UGT1A6: variants seen among roughly 807,000 people sequenced by gnomAD.
UGT1A6 encodes the protein UDP glucuronosyltransferase family 1 member A6.
In UGT1A6, 32 loss-of-function variants were observed where a neutral mutation model predicts 44.4. The ratio of observed to expected loss-of-function variants is 0.72; its 90% CI spans 0.54 to 0.97. The LOEUF (loss-of-function observed/expected upper bound fraction) is 0.97. Among genes scored for constraint, UGT1A6 ranks in the 50% least tolerant of loss-of-function variants. The pLI is 0.00. For missense variants in UGT1A6, 685 were observed against 661.9 expected, an observed-to-expected ratio of 1.03 and a Z score of -0.38; for synonymous variants, 238 against 248.5, an observed-to-expected ratio of 0.96 and a Z score of 0.40.
At chr2:233,730,917 C>G (rs760966477) in intron 1 of UGT1A6, among the ~76,000 whole-genome samples, 3 of 152,138 alleles carry the variant, frequency 2.0e-5, no homozygotes, top group Non-Finnish European at 4.4e-5. Flanking sequence ...ATTTCAGAGG[C>G]AGCTTTCATT....
chr2:233,738,962 C>A (rs2125819813), intron 1 of UGT1A6: 1 of 152,334 alleles, frequency 6.6e-6, no homozygotes, highest in Admixed American at 6.5e-5. Flanking sequence ...GGGTCCAGGC[C>A]CCCACTGCTG....
At chr2:233,704,315 A>G (rs2075780426) in intron 1 of UGT1A6, among the ~76,000 whole-genome samples, 2 of 132,700 alleles carry the variant, frequency 1.5e-5, no homozygotes, top group South Asian at 4.6e-4. Flanking sequence ...AAATCCTTTA[A>G]TGTTTTTCTT....
intron 1 of UGT1A6, among the ~76,000 whole-genome samples, chr2:233,720,965 C>T (rs921825655): frequency 2.6e-5 from 4 of 151,612 alleles, no homozygotes; most frequent in Admixed American, 6.6e-5. Flanking sequence ...CCCGCCTCGG[C>T]CTCCCAAAGT....
intron 1 of UGT1A6, among the ~76,000 whole-genome samples, chr2:233,758,825 C>CA: frequency 6.6e-6 from 1 of 152,232 alleles, no homozygotes. Flanking sequence ...ATATCCCCCC[C>CA]AAAAAGAGTG....
chr2:233,769,634 G>A lies in UGT1A6; in HGVS notation c.1301+1195G>A. 2 of 1,610,964 alleles carry A rather than the reference G, an allele frequency of 1.2e-6. No individual in the cohort carries two copies. The highest frequency in any genetic ancestry group is 1.1e-5 in the South Asian group (1 of 90,734). On this transcript the variant is annotated intron_variant, in intron 4 of 4. Transcript: ENST00000305139. The surrounding 1 kb of genome is among the most constrained non-coding windows in gnomAD (Gnocchi z 4.4). ...CCAGCTTGAGCAAGGGACAACAGGG[G>A]AGGACTGATGACTGACTTCCCACCT...
At chr2:233,716,140 C>CT (rs1193699250) in intron 1 of UGT1A6, among the ~76,000 whole-genome samples, 1 of 152,160 alleles carries the variant, frequency 6.6e-6, no homozygotes, top group African/African-American at 2.4e-5. Flanking sequence ...TTCCATGGCC[C>CT]TTTTCCATTT....
chr2:233,761,127 C>A lies in UGT1A6; in HGVS notation c.862-5907C>A, dbSNP rs281865418. 1.2e-6 allele frequency: 2 copies of A among 1,614,174 alleles called. No individual in the cohort carries two copies. Among genetic ancestry groups the A allele is most frequent in the South Asian group, 1.1e-5 (1 of 91,074 alleles). On this transcript the variant is annotated intron_variant, in intron 1 of 4. Transcript: ENST00000305139. ...TGGTTTTTGTTGGTGGAATCAACTGCCTTCACCAAAATCCACTATCCCAGG... is the reference window on the plus strand; with the variant it reads ...TGGTTTTTGTTGGTGGAATCAACTGACTTCACCAAAATCCACTATCCCAGG...
chr2:233,770,092 A>G (rs969996398), intron 4 of UGT1A6: 1 of 152,744 alleles, frequency 6.5e-6, no homozygotes, highest in Non-Finnish European at 1.5e-5. Flanking sequence ...AGTGGTATAG[A>G]TAACTACTTG....
chr2:233,694,266 C>T (rs1198459756), intron 1 of UGT1A6, among the ~76,000 whole-genome samples: 1 of 151,834 alleles, frequency 6.6e-6, no homozygotes. Context: ...CAGCGAACTA[C>T]AGCCTGTGAG....
intron 1 of UGT1A6, chr2:233,713,358 A>G (rs772185686): frequency 1.2e-5 from 19 of 1,614,040 alleles, no homozygotes; most frequent in Non-Finnish European, 1.4e-5. Flanking sequence ...TATGTCTTTG[A>G]TCATACATAG....
At chr2:233,726,020 T>C (rs1287334417) in intron 1 of UGT1A6, among the ~76,000 whole-genome samples, 1 of 152,052 alleles carries the variant, frequency 6.6e-6, no homozygotes, top group African/African-American at 2.4e-5. Context: ...CAAAAAATTA[T>C]CCAGGTGTGA....
chr2:233,737,321 C>G (rs2078863699), intron 1 of UGT1A6, among the ~76,000 whole-genome samples: 1 of 152,264 alleles, frequency 6.6e-6, no homozygotes, highest in African/African-American at 2.4e-5. Flanking sequence ...GACTGCTGCA[C>G]TAGCAGTGAG....
At position 233,759,475 on chromosome 2, in the gene UGT1A6, C is replaced by T. The variant is rs1697147555; in HGVS notation, c.862-7559C>T. Among the ~76,000 whole-genome samples, 2 of 152,182 alleles carry T rather than the reference C, an allele frequency of 1.3e-5. 1 individual carries two copies. The highest frequency in any genetic ancestry group is 2.9e-5 in the Non-Finnish European group (2 of 68,032). ...AGTTAGCCACTCAAGATCTATCTTA[C>T]AGGACTGGCTCTTTCAGGTTCACAC... is the stretch of plus-strand genomic sequence containing the variant. On this transcript the variant is annotated intron_variant, in intron 1 of 4. Coordinates refer to ENST00000305139, the MANE Select transcript of UGT1A6 (RefSeq NM_001072.4).
intron 1 of UGT1A6, chr2:233,740,667 G>T (rs567869462): frequency 6.6e-6 from 1 of 151,914 alleles, no homozygotes; most frequent in East Asian, 1.9e-4. Flanking sequence ...AGAAGGTACA[G>T]GTGTTTCCAT....
chr2:233,758,920 T>C (rs1318517296), intron 1 of UGT1A6, among the ~76,000 whole-genome samples: 3 of 152,264 alleles, frequency 2.0e-5, no homozygotes, highest in Non-Finnish European at 4.4e-5. Flanking sequence ...TGCTCATCTT[T>C]CCCTTTTGAC....
chr2:233,698,061 G>A (rs1449377967), intron 1 of UGT1A6, among the ~76,000 whole-genome samples: 1 of 152,128 alleles, frequency 6.6e-6, no homozygotes, highest in Non-Finnish European at 1.5e-5. Context: ...CAGTTATATT[G>A]AGAAACTGGG....
Position 233,706,887 on chromosome 2 carries a change from T to C in UGT1A6, c.861+13022T>C, listed in dbSNP as rs191492474. ...TAGACCTGGCACTTCCCAGCTCTGGTTGGAGGCATTTTACAATCCTAGCTG... is the reference window on the plus strand; with the variant it reads ...TAGACCTGGCACTTCCCAGCTCTGGCTGGAGGCATTTTACAATCCTAGCTG... On this transcript the variant is annotated intron_variant, in intron 1 of 4. Coordinates refer to ENST00000305139, the MANE Select transcript of UGT1A6 (RefSeq NM_001072.4). Among the ~76,000 whole-genome samples the C allele has an allele frequency of 4.6e-5, 7 of 152,310 alleles. No individual in the cohort carries two copies. In the East Asian group the frequency reaches 1.3e-3, roughly 29 times the overall value.
At chr2:233,713,759 G>C (rs752103750) in intron 1 of UGT1A6, 10 of 1,613,990 alleles carry the variant, frequency 6.2e-6, no homozygotes, top group Non-Finnish European at 3.4e-6. Context: ...CTGTGTGGCT[G>C]TTCCGAGGGG....
At chr2:233,702,598 G>A (rs546581826) in intron 1 of UGT1A6, among the ~76,000 whole-genome samples, 2 of 152,156 alleles carry the variant, frequency 1.3e-5, no homozygotes, top group South Asian at 4.1e-4. Context: ...GAGATTTTTT[G>A]AGTAGATGCC....
Sources: allele counts gnomAD v4.1 joint callset (sites outside exome capture counted in the v4.1 genomes callset), GRCh38; gene constraint gnomAD v4.1.1; non-coding constraint Gnocchi (gnomAD v3.1); transcripts MANE v1.5; gene names NCBI Gene and HGNC (gene_info 2026-07-23, HGNC 2026-07-21).